Variants in PRKDC observed in about 807,000 individuals in gnomAD.
PRKDC encodes protein kinase, DNA-activated, catalytic subunit.
PRKDC carries 82 observed loss-of-function variants against 486.9 expected under a neutral mutation model. The ratio of observed to expected loss-of-function variants is 0.17; its 90% CI spans 0.14 to 0.20. The LOEUF is 0.20. PRKDC is among the 10% of genes least tolerant of loss of function. The probability of loss-of-function intolerance (pLI) is 1.00; values close to 1 mark genes in which losing one functional copy is unlikely to be tolerated. For missense variants in PRKDC, 4,504 were observed against 5,038.2 expected, an observed-to-expected ratio of 0.89 and a Z score of 3.21; for synonymous variants, 1,895 against 1,837.0, an observed-to-expected ratio of 1.03 and a Z score of -0.81.
At chr8:47,941,974 G>A (rs960056491) in intron 10 of PRKDC, among the ~76,000 whole-genome samples, 1 of 152,224 alleles carries the variant, frequency 6.6e-6, no homozygotes, top group Non-Finnish European at 1.5e-5. Flanking sequence ...CGCAGTGGAG[G>A]GAGGGCTGGC....
At chr8:47,781,624 T>C (rs1348790820) in intron 80 of PRKDC, among the ~76,000 whole-genome samples, 11 of 152,158 alleles carry the variant, frequency 7.2e-5, no homozygotes, top group Non-Finnish European at 1.6e-4. Context: ...AAAATGTACA[T>C]GTTAATTGTA....
At chr8:47,906,535 A>G (rs1169115182) in intron 25 of PRKDC, among the ~76,000 whole-genome samples, 1 of 151,112 alleles carries the variant, frequency 6.6e-6, no homozygotes, top group Non-Finnish European at 1.5e-5. Flanking sequence ...TTGGGAGGCT[A>G]AAGCAGGAAA....
chr8:47,839,179 G>C lies in PRKDC; in HGVS notation c.7522C>G (p.Gln2508Glu). 6.2e-7 allele frequency: 1 copy of C among 1,613,674 alleles called. No homozygotes were observed. The highest frequency in any genetic ancestry group is 8.5e-7 in the Non-Finnish European group (1 of 1,179,670). The change falls in exon 56 of 86, where the codon CAA becomes GAA. Residue 2508 changes from glutamine (Q) to glutamate (E), a missense_variant. By Grantham distance (29) the Gln-to-Glu change is conservative (BLOSUM62 2). This residue lies in a region of PRKDC where 1,592 missense variants were observed against 1,724.6 expected (regional missense o/e 0.92). Transcript: ENST00000314191. ...CCAGGGTTCTCATCGATCAATCCTT[G>C]AATCAGCACATCTTTTGCCAACTTA... is the stretch of plus-strand genomic sequence containing the variant. ...IFKLAKDVLIQGLIDENPGLQ... is the reference protein window; with the variant it reads ...IFKLAKDVLIEGLIDENPGLQ...
Position 47,854,239 on chromosome 8 carries a change from A to C in PRKDC, c.6762-25T>G, listed in dbSNP as rs777110122. ...CCTGAAACATAAGCACAAAGGAGAA[A>C]ATTGAGACTGTTGCATAATCAAGTA... On this transcript the variant is annotated intron_variant, in intron 50 of 85. Transcript: ENST00000314191. 1.9e-6 allele frequency: 3 copies of C among 1,608,624 alleles called. No individual in the cohort carries two copies. The Admixed American group carries it at 5.0e-5, about 27-fold the overall frequency.
rs1390434843 is a variant in PRKDC, at chr8:47,890,246, G to A, written c.4071+11C>T. On this transcript the variant is annotated intron_variant, in intron 32 of 85. Transcript: ENST00000314191. ...ACCAAAAACTGACCTCAAATTAACA[G>A]AGCAGCCTACCTTCCATCCTTCCGG... 6.3e-7 allele frequency: 1 copy of A among 1,597,400 alleles called. No homozygotes were observed. The highest frequency in any genetic ancestry group is 8.5e-7 in the Non-Finnish European group (1 of 1,171,420).
At position 47,803,343 on chromosome 8, in the gene PRKDC, C is replaced by T. The variant is rs762840752; in HGVS notation, c.9885G>A (p.Glu3295=). The part of the protein sequence containing the change: ...HCRSRSQGCS[E]QVLTVLKTVS... ...CTGTTTTCAGCACAGTGAGCACCTG[C>T]TCAGAGCAGCCCTGGGACCGGCTCC... is the stretch of plus-strand genomic sequence containing the variant. The change falls in exon 70 of 86, where the codon GAG becomes GAA. Residue 3295 remains glutamate, a synonymous_variant. Coordinates refer to ENST00000314191, the MANE Select transcript of PRKDC (RefSeq NM_006904.7). The T allele has an allele frequency of 2.5e-6, 4 of 1,613,824 alleles. No homozygotes were observed. The African/African-American group carries it at 5.3e-5, about 22-fold the overall frequency.
intron 11 of PRKDC, 71 bp downstream of exon 11, chr8:47,939,480 T>C: frequency 6.6e-7 from 1 of 1,509,756 alleles, no homozygotes; most frequent in Non-Finnish European, 9.1e-7. Flanking sequence ...CTATTCAAAA[T>C]GCAATGAATT....
intron 73 of PRKDC, among the ~76,000 whole-genome samples, chr8:47,794,728 G>A (rs747506594): frequency 4.6e-5 from 7 of 152,218 alleles, no homozygotes; most frequent in Non-Finnish European, 2.9e-5. Flanking sequence ...ACACGAGACA[G>A]CTGCTGCTGG....
In PRKDC at chr8:47,927,694, C is replaced by A. The variant is rs2090176479; in HGVS notation, c.2259+77G>T. 4 of 1,404,896 alleles carry A rather than the reference C, an allele frequency of 2.8e-6. No homozygotes were observed. The African/African-American group carries it at 4.4e-5, about 15-fold the overall frequency. 87.0% of individuals were successfully genotyped at this position (1,404,896 alleles called of 1,614,324 possible). On this transcript the variant is annotated intron_variant, in intron 20 of 85. Coordinates refer to ENST00000314191, the MANE Select transcript of PRKDC (RefSeq NM_006904.7). Reference sequence around the variant, plus strand: ...GAAACGCCTGCTGGGACTGCCAGGGCAAGAGGATGGTGTTTCTATGTGCTC... The same window carrying A: ...GAAACGCCTGCTGGGACTGCCAGGGAAAGAGGATGGTGTTTCTATGTGCTC...
chr8:47,930,188 T>A (rs1260542698), intron 17 of PRKDC, among the ~76,000 whole-genome samples, 176 bp from the exon 18 acceptor site: 1 of 152,228 alleles, frequency 6.6e-6, no homozygotes, highest in East Asian at 1.9e-4. Flanking sequence ...CTTTTAAATA[T>A]AAAAAATGAA....
intron 11 of PRKDC, among the ~76,000 whole-genome samples, chr8:47,938,236 G>A (rs1353684495): frequency 3.3e-5 from 5 of 151,142 alleles, no homozygotes; most frequent in Admixed American, 2.6e-4. Flanking sequence ...GAGAAACCCT[G>A]TCTCTACTAA....
intron 3 of PRKDC, among the ~76,000 whole-genome samples, chr8:47,956,235 G>A (rs1331539694): frequency 1.3e-5 from 2 of 152,062 alleles, no homozygotes; most frequent in Admixed American, 6.6e-5. Context: ...GGTGGTGCAC[G>A]CCTGTAATCC....
chr8:47,851,567 T>C (rs927870916), intron 52 of PRKDC, among the ~76,000 whole-genome samples: 1 of 152,198 alleles, frequency 6.6e-6, no homozygotes, highest in Non-Finnish European at 1.5e-5. Context: ...CCTCTCCTCA[T>C]CCAGCCCAAC....
At chr8:47,921,355 T>C (rs1168107353) in intron 21 of PRKDC, among the ~76,000 whole-genome samples, 1 of 152,376 alleles carries the variant, frequency 6.6e-6, no homozygotes, top group East Asian at 1.9e-4. Flanking sequence ...AATTACGTTG[T>C]GCAGCATGCC....
chr8:47,792,281 CAG>C (rs1289975822), intron 74 of PRKDC, among the ~76,000 whole-genome samples: 1 of 139,968 alleles, frequency 7.1e-6, no homozygotes, highest in Non-Finnish European at 1.5e-5. Context: ...TTTGTTGAGA[CAG>C]AGTTTTGCTC....
chr8:47,854,278 C>T, intron 50 of PRKDC, 64 bp from the exon 51 acceptor site: 3 of 1,562,390 alleles, frequency 1.9e-6, no homozygotes, highest in South Asian at 2.2e-5. Flanking sequence ...AGCAGGAAGA[C>T]AAATACAGAA....
rs56047668 is a variant in PRKDC, at chr8:47,900,422, C to A, written c.3315G>T (p.Val1105=). 2,244 of 1,611,894 alleles carry A rather than the reference C, an allele frequency of 1.4e-3. 7 individuals are homozygous for A. Among genetic ancestry groups the A allele is most frequent in the Non-Finnish European group, 1.2e-3 (1,442 of 1,179,102 alleles). Residue 1105 remains valine, a synonymous_variant, in exon 28 of 86, where the codon GTG becomes GTT. Coordinates refer to ENST00000314191, the MANE Select transcript of PRKDC (RefSeq NM_006904.7). ...LVEQFVFEAL[V]IYMESLALAH... is the part of the protein sequence containing the mutation. ...CTAAGGCCAGACTCTCCATGTATAT[C>A]ACCAAGGCTTCAAACACAAACTGTT...
chr8:47,859,443 A>C (rs1424264485), intron 46 of PRKDC, among the ~76,000 whole-genome samples, 168 bp downstream of exon 46: 1 of 152,232 alleles, frequency 6.6e-6, no homozygotes. Flanking sequence ...AGTCTACAGA[A>C]TAAAAGGCTA....
chr8:47,775,795 C>G (rs533723345), intron 85 of PRKDC, among the ~76,000 whole-genome samples: 1 of 151,320 alleles, frequency 6.6e-6, no homozygotes, highest in Non-Finnish European at 1.5e-5. Flanking sequence ...CAACAAAATC[C>G]AAGGTCAGGA....
Sources: gnomAD v4.1 joint callset for allele counts (sites outside exome capture counted in the v4.1 genomes callset) on GRCh38, gnomAD v4.1.1 for gene constraint, gnomAD v4.1.1 regional missense constraint, MANE v1.5 for transcripts, NCBI Gene and HGNC (gene_info 2026-07-23, HGNC 2026-07-21) for gene names.